The following ARHGEF33 variants were observed in gnomAD, a reference collection of about 807,000 sequenced individuals.
ARHGEF33 encodes the protein DH and coiled-coil domain-containing protein ENSP00000381780.
ARHGEF33 carries 72 observed loss-of-function variants against 101.9 expected under a neutral mutation model. That is an observed-to-expected ratio of 0.71 (90% confidence interval 0.58 to 0.86). The LOEUF (loss-of-function observed/expected upper bound fraction) is 0.86. ARHGEF33 is among the 40% of genes least tolerant of loss of function. The pLI is 0.00. For missense variants in ARHGEF33, 1,169 were observed against 1,111.3 expected (o/e 1.05, Z -0.74); for synonymous variants, 499 against 442.5 (o/e 1.13, Z -1.60).
Position 38,921,349 on chromosome 2 carries a change from T to G in ARHGEF33, c.26-25T>G, listed in dbSNP as rs1389685387. 5 of 1,469,438 alleles carry G rather than the reference T, an allele frequency of 3.4e-6. No individual in the cohort carries two copies. In the Admixed American group the frequency reaches 9.8e-5, roughly 29 times the overall value. 91.0% of individuals were successfully genotyped at this position (1,469,438 alleles called of 1,614,324 possible). A position where few individuals can be genotyped will look rare whatever the true frequency, so the allele number is the denominator to read the frequency against. On this transcript the variant is annotated intron_variant, in intron 3 of 17. Coordinates refer to ENST00000409978, the MANE Select transcript of ARHGEF33 (RefSeq NM_001145451.5). Reference sequence around the variant, plus strand: ...TAGGGACAGAATGAGTAGTGTTGATTAAACAAAGCTCTTTCTCCCTGCAGG... The same window carrying G: ...TAGGGACAGAATGAGTAGTGTTGATGAAACAAAGCTCTTTCTCCCTGCAGG...
chr2:38,921,115 T>C (rs1031290281), intron 3 of ARHGEF33, among the ~76,000 whole-genome samples: 2 of 152,210 alleles, frequency 1.3e-5, no homozygotes, highest in East Asian at 1.9e-4. Context: ...TTCAGTTTGG[T>C]TGAGAAACTT....
intron 9 of ARHGEF33, 59 bp downstream of exon 9, chr2:38,937,618 T>C: frequency 1.9e-6 from 2 of 1,032,926 alleles, no homozygotes; most frequent in African/African-American, 1.6e-5. Context: ...ACCAGAGCTT[T>C]GAACTCAAAG....
chr2:38,890,968 G>GTTTTTTTTTTTTTTTT (rs11380408), intron 1 of ARHGEF33, among the ~76,000 whole-genome samples: 3 of 145,008 alleles, frequency 2.1e-5, no homozygotes, highest in African/African-American at 5.1e-5. Flanking sequence ...CATACTATTG[G>GTTTTTTTTTTTTTTTT]TTTTTTTTTT....
At chr2:38,948,876 G>A (rs59172604) in intron 10 of ARHGEF33, among the ~76,000 whole-genome samples, 8,151 of 152,114 alleles carry the variant, frequency 0.054, 618 homozygotes, top group African/African-American at 0.16. Flanking sequence ...AGTATACCCC[G>A]TAGCTACCCC....
chr2:38,929,402 TG>T (rs1439700936), intron 5 of ARHGEF33, among the ~76,000 whole-genome samples: 3 of 151,792 alleles, frequency 2.0e-5, no homozygotes, highest in Non-Finnish European at 2.9e-5. Context: ...CACTCCAGCC[TG>T]GGCGACAGAG....
intron 7 of ARHGEF33, among the ~76,000 whole-genome samples, chr2:38,933,834 C>G (rs1255865380): frequency 6.6e-6 from 1 of 152,192 alleles, no homozygotes; most frequent in Non-Finnish European, 1.5e-5. Context: ...CCATCTGGAG[C>G]TGCTTACCAC....
rs760965620 is a variant in ARHGEF33, at chr2:38,899,792, A to AT, written c.-86+3944dup. Among the ~76,000 whole-genome samples the AT allele has an allele frequency of 3.3e-5, 5 of 152,326 alleles. No homozygotes were observed. The South Asian group carries it at 6.2e-4, about 19-fold the overall frequency. On this transcript the variant is annotated intron_variant, in intron 2 of 17. Transcript: ENST00000409978. Reference sequence around the variant, plus strand: ...TTATTCTATGTTGTATGCATATATCATAACATTGCACTACACTTTCTAAAT... The same window carrying AT: ...TTATTCTATGTTGTATGCATATATCATTAACATTGCACTACACTTTCTAAAT...
chr2:38,958,686 T>A (rs1251639853), intron 15 of ARHGEF33, among the ~76,000 whole-genome samples: 2 of 147,154 alleles, frequency 1.4e-5, no homozygotes, highest in African/African-American at 5.1e-5. Flanking sequence ...AAGATATTGG[T>A]TTTAGCATTT....
intron 2 of ARHGEF33, among the ~76,000 whole-genome samples, chr2:38,904,914 A>C (rs1666354484): frequency 6.6e-6 from 1 of 152,198 alleles, no homozygotes; most frequent in Non-Finnish European, 1.5e-5. Context: ...TGAAAAGCAA[A>C]GGAGAAAATG....
chr2:38,970,942 C>G (rs1043172954), intron 17 of ARHGEF33, among the ~76,000 whole-genome samples: 3 of 152,170 alleles, frequency 2.0e-5, no homozygotes, highest in African/African-American at 4.8e-5. Context: ...GATACTGGTG[C>G]TGTCCTTTGT....
intron 2 of ARHGEF33, among the ~76,000 whole-genome samples, chr2:38,909,679 C>G (rs951021445): frequency 6.8e-6 from 1 of 146,410 alleles, no homozygotes; most frequent in Non-Finnish European, 1.5e-5. Context: ...ACCTTTGCCA[C>G]TTTAAATTGC....
At chr2:38,961,651 C>T (rs915278381) in intron 16 of ARHGEF33, among the ~76,000 whole-genome samples, 1 of 152,110 alleles carries the variant, frequency 6.6e-6, no homozygotes, top group Non-Finnish European at 1.5e-5. Flanking sequence ...TTGTACCAGG[C>T]TCTGTGCTAA....
intron 9 of ARHGEF33, among the ~76,000 whole-genome samples, chr2:38,940,092 G>A (rs900525578): frequency 7.2e-5 from 11 of 152,156 alleles, no homozygotes; most frequent in Non-Finnish European, 1.5e-4. Context: ...AGAAAGTCAA[G>A]TGGTCTTATA....
At chr2:38,906,057 T>A (rs563171007) in intron 2 of ARHGEF33, among the ~76,000 whole-genome samples, 26 of 152,078 alleles carry the variant, frequency 1.7e-4, no homozygotes, top group Admixed American at 8.5e-4. Flanking sequence ...CAGGGCAACA[T>A]GACCTGGGAA....
In ARHGEF33 at chr2:38,956,947, C is replaced by G; in HGVS notation, c.1270C>G (p.Leu424Val). 1 of 1,552,384 alleles carries G rather than the reference C, an allele frequency of 6.4e-7. No homozygotes were observed. Among genetic ancestry groups the G allele is most frequent in the Non-Finnish European group, 8.7e-7 (1 of 1,147,128 alleles). ...EQEHPDYYLL[L>V]VCVQRLRVFI... ...GGAGCACCCTGACTATTATCTACTA[C>G]TGGTGTGTGTCCAGCGCCTCCGAGT... is the stretch of plus-strand genomic sequence containing the variant. Residue 424 changes from leucine (L) to valine (V), a missense_variant, in exon 14 of 18, where the codon CTG becomes GTG. Physicochemically the swap from Leu to Val is conservative, Grantham distance 32 (BLOSUM62 1). Coordinates refer to ENST00000409978, the MANE Select transcript of ARHGEF33 (RefSeq NM_001145451.5).
Position 38,960,287 on chromosome 2 carries a change from G to C in ARHGEF33, c.1982G>C (p.Ser661Thr). 1.3e-6 allele frequency: 2 copies of C among 1,546,948 alleles called. No homozygotes were observed. The highest frequency in any genetic ancestry group is 1.7e-6 in the Non-Finnish European group (2 of 1,146,160). Reference sequence around the variant, plus strand: ...GACATCTGCTTCCTGCGGCCCGTCAGCTTCGCCATGGAGGCCGAGCGGCCG... The same window carrying C: ...GACATCTGCTTCCTGCGGCCCGTCACCTTCGCCATGGAGGCCGAGCGGCCG... ...SLDICFLRPV[S>T]FAMEAERPEH... is the part of the protein sequence containing the mutation. Residue 661 changes from serine (S) to threonine (T), a missense_variant, in exon 16 of 18, where the codon AGC (serine) becomes ACC (threonine). By Grantham distance (58) the Ser-to-Thr change is moderately conservative. Coordinates refer to ENST00000409978, the MANE Select transcript of ARHGEF33 (RefSeq NM_001145451.5).
chr2:38,892,988 C>G (rs1366694138), intron 1 of ARHGEF33, among the ~76,000 whole-genome samples: 4 of 152,142 alleles, frequency 2.6e-5, no homozygotes, highest in African/African-American at 9.7e-5. Context: ...TCTGCTTAAA[C>G]ATTTTCAATG....
chr2:38,956,817 T>C, intron 13 of ARHGEF33, 82 bp from the exon 14 acceptor site: 4 of 1,452,948 alleles, frequency 2.8e-6, no homozygotes, highest in South Asian at 1.3e-5. Context: ...TCTCCCACAA[T>C]AGATCAAGGT....
intron 2 of ARHGEF33, among the ~76,000 whole-genome samples, chr2:38,905,424 CT>C (rs1666367583): frequency 6.6e-6 from 1 of 152,158 alleles, no homozygotes; most frequent in East Asian, 1.9e-4. Context: ...TACCACACTG[CT>C]GAGTGATATT....
Sources: allele counts gnomAD v4.1 joint callset (sites outside exome capture counted in the v4.1 genomes callset), GRCh38; gene constraint gnomAD v4.1.1; transcripts MANE v1.5; gene names NCBI Gene and HGNC (gene_info 2026-07-23, HGNC 2026-07-21).